Variants in ST6GALNAC3 observed in about 807,000 individuals in gnomAD.
The protein encoded by ST6GALNAC3 is alpha-N-acetylgalactosaminide alpha-2,6-sialyltransferase 3.
In ST6GALNAC3, 25 loss-of-function variants were observed where a neutral mutation model predicts 32.7. The observed-to-expected ratio is 0.76, with a 90% CI of 0.56 to 1.07. The LOEUF is 1.07. ST6GALNAC3 is among the 50% of genes least tolerant of loss of function. The pLI is 0.00. For synonymous variants in ST6GALNAC3, 129 were observed against 133.1 expected (o/e 0.97, Z 0.21); for missense variants, 355 against 382.4 (o/e 0.93, Z 0.60).
chr1:76,411,921 C>G (rs1418998881), intron 2 of ST6GALNAC3, 87 bp from the exon 3 acceptor site: 1 of 1,391,262 alleles, frequency 7.2e-7, no homozygotes, highest in Non-Finnish European at 9.8e-7. Context: ...GGTAATTATA[C>G]AATATATGAA....
intron 3 of ST6GALNAC3, among the ~76,000 whole-genome samples, chr1:76,601,294 CTT>C (rs1647226941): frequency 6.6e-6 from 1 of 151,996 alleles, no homozygotes; most frequent in East Asian, 1.9e-4. Flanking sequence ...TATTTTTGCT[CTT>C]TATTTTCTAG....
At chr1:76,189,299 C>T (rs1485149725) in intron 1 of ST6GALNAC3, among the ~76,000 whole-genome samples, 1 of 152,162 alleles carries the variant, frequency 6.6e-6, no homozygotes, top group Admixed American at 6.5e-5. Context: ...GTACCCTTTG[C>T]CTATGGTTAC....
chr1:76,336,280 G>T (rs1647465169), intron 2 of ST6GALNAC3, among the ~76,000 whole-genome samples: 1 of 152,076 alleles, frequency 6.6e-6, no homozygotes, highest in African/African-American at 2.4e-5. Flanking sequence ...TTTAACTTTG[G>T]CCCAAAACAT....
intron 1 of ST6GALNAC3, among the ~76,000 whole-genome samples, chr1:76,132,881 G>T (rs1649706728): frequency 6.6e-6 from 1 of 152,158 alleles, no homozygotes; most frequent in Non-Finnish European, 1.5e-5. Flanking sequence ...ACAGCCAGGT[G>T]TCAATGGCCT....
chr1:76,225,880 C>T (rs962231893), intron 1 of ST6GALNAC3, among the ~76,000 whole-genome samples: 1 of 152,162 alleles, frequency 6.6e-6, no homozygotes, highest in East Asian at 1.9e-4. Context: ...CCAATTATTA[C>T]TTACTAGCCT....
chr1:76,329,870 G>T (rs1647155634), intron 2 of ST6GALNAC3, among the ~76,000 whole-genome samples: 1 of 151,938 alleles, frequency 6.6e-6, no homozygotes, highest in African/African-American at 2.4e-5. Flanking sequence ...GTACAGTGGT[G>T]CAATCTCTGC....
At position 76,412,752 on chromosome 1, in the gene ST6GALNAC3, C is replaced by T. The variant is rs538034691; in HGVS notation, c.623+335C>T. Reference sequence around the variant, plus strand: ...AGCCTAAACATTTCTGTTTCAAAACCTAGTAATGGTAAGGAACTTTAGGAT... The same window carrying T: ...AGCCTAAACATTTCTGTTTCAAAACTTAGTAATGGTAAGGAACTTTAGGAT... On this transcript the variant is annotated intron_variant, in intron 3 of 4. Coordinates refer to ENST00000328299, the MANE Select transcript of ST6GALNAC3 (RefSeq NM_152996.4). 1.1e-4 allele frequency among the ~76,000 whole-genome samples: 17 copies of T among 152,064 alleles called. 1 individual carries two copies. Among genetic ancestry groups the T allele is most frequent in the African/African-American group, 4.1e-4 (17 of 41,486 alleles).
intron 1 of ST6GALNAC3, among the ~76,000 whole-genome samples, chr1:76,111,971 G>T (rs1449465530): frequency 0.01 from 1,528 of 151,978 alleles, 29 homozygotes; most frequent in African/African-American, 0.035. Flanking sequence ...CCCAGACGGG[G>T]TGGTGGCCGG....
At chr1:76,087,721 C>G (rs1646983613) in intron 1 of ST6GALNAC3, among the ~76,000 whole-genome samples, 2 of 152,280 alleles carry the variant, frequency 1.3e-5, no homozygotes, top group African/African-American at 2.4e-5. Context: ...AGGGGTTATA[C>G]TTTGAATCCA....
At chr1:76,461,193 T>A (rs981197510) in intron 3 of ST6GALNAC3, among the ~76,000 whole-genome samples, 2 of 152,212 alleles carry the variant, frequency 1.3e-5, no homozygotes, top group Non-Finnish European at 2.9e-5. Flanking sequence ...ATACTCTGTA[T>A]CTACTGGTAG....
At chr1:76,493,903 A>C (rs978009706) in intron 3 of ST6GALNAC3, among the ~76,000 whole-genome samples, 1 of 152,182 alleles carries the variant, frequency 6.6e-6, no homozygotes, top group Non-Finnish European at 1.5e-5. Flanking sequence ...GGATATGAAC[A>C]GTTTCATGAA....
chr1:76,390,231 C>T (rs1652428904), intron 2 of ST6GALNAC3, among the ~76,000 whole-genome samples: 1 of 152,196 alleles, frequency 6.6e-6, no homozygotes, highest in African/African-American at 2.4e-5. Flanking sequence ...TGAATTTTGG[C>T]TAAGTTGCTC....
chr1:76,628,061 C>A (rs1428337230), intron 4 of ST6GALNAC3, among the ~76,000 whole-genome samples: 1 of 151,830 alleles, frequency 6.6e-6, no homozygotes, highest in Non-Finnish European at 1.5e-5. Flanking sequence ...GTGTGTTTAC[C>A]CACAGTATAT....
intron 2 of ST6GALNAC3, among the ~76,000 whole-genome samples, chr1:76,317,833 G>A (rs1446414727): frequency 6.6e-6 from 1 of 152,076 alleles, no homozygotes; most frequent in Non-Finnish European, 1.5e-5. Context: ...AAGTGGAATG[G>A]GAGGCAGCAG....
At chr1:76,193,288 T>C (rs984419475) in intron 1 of ST6GALNAC3, among the ~76,000 whole-genome samples, 1 of 152,078 alleles carries the variant, frequency 6.6e-6, no homozygotes, top group African/African-American at 2.4e-5. Context: ...TTAGAAAATG[T>C]CTTTATTTAT....
At chr1:76,489,135 A>T (rs1014771507) in intron 3 of ST6GALNAC3, among the ~76,000 whole-genome samples, 33 of 152,332 alleles carry the variant, frequency 2.2e-4, no homozygotes, top group African/African-American at 7.7e-4. Context: ...ACTTAAATTA[A>T]TGAATGAATG....
At chr1:76,347,700 G>A (rs952146280) in intron 2 of ST6GALNAC3, among the ~76,000 whole-genome samples, 1 of 152,032 alleles carries the variant, frequency 6.6e-6, no homozygotes, top group Non-Finnish European at 1.5e-5. Flanking sequence ...GTATAACATA[G>A]TGTTTAAGAT....
intron 3 of ST6GALNAC3, among the ~76,000 whole-genome samples, chr1:76,547,439 C>T (rs1664362781): frequency 6.6e-6 from 1 of 152,194 alleles, no homozygotes; most frequent in African/African-American, 2.4e-5. Context: ...GTTGACTAGG[C>T]TCTGGTTAAA....
At chr1:76,466,019 TCA>T (rs1238135776) in intron 3 of ST6GALNAC3, among the ~76,000 whole-genome samples, 2 of 152,140 alleles carry the variant, frequency 1.3e-5, no homozygotes, top group Admixed American at 1.3e-4. Flanking sequence ...AGCTTATGTA[TCA>T]CTGTAAAATG....
Sources: gnomAD v4.1 joint callset for allele counts (sites outside exome capture counted in the v4.1 genomes callset) on GRCh38, gnomAD v4.1.1 for gene constraint, MANE v1.5 for transcripts, NCBI Gene and HGNC (gene_info 2026-07-23, HGNC 2026-07-21) for gene names.